Variants in CNTN4 observed in about 807,000 individuals in gnomAD.
CNTN4 encodes the protein contactin 4.
Under a neutral mutation model 122.5 loss-of-function variants are expected in CNTN4, and 77 were observed. The observed-to-expected ratio is 0.63, with a 90% CI of 0.52 to 0.76. The LOEUF (loss-of-function observed/expected upper bound fraction) is 0.76, where lower values mean the gene tolerates loss of function less well. Among genes scored for constraint, CNTN4 ranks in the 30% least tolerant of loss-of-function variants. The pLI, the probability that CNTN4 is intolerant of heterozygous loss-of-function variation, is 0.00. For synonymous variants in CNTN4, 512 were observed against 447.0 expected (o/e 1.15, Z -1.83); for missense variants, 1,256 against 1,259.1 (o/e 1.00, Z 0.04).
At chr3:2,782,696 T>G (rs138672466) in intron 6 of CNTN4, among the ~76,000 whole-genome samples, 3 of 152,280 alleles carry the variant, frequency 2.0e-5, no homozygotes, top group Non-Finnish European at 2.9e-5. Context: ...CAACTTCACT[T>G]TGAAAATCTT....
At chr3:2,896,291 A>T (rs1158854375) in intron 10 of CNTN4, among the ~76,000 whole-genome samples, 5 of 152,146 alleles carry the variant, frequency 3.3e-5, no homozygotes, top group Non-Finnish European at 7.3e-5. Context: ...GCAAGGAAGC[A>T]GCCTTGCGTT....
intron 2 of CNTN4, among the ~76,000 whole-genome samples, chr3:2,130,237 C>T (rs2034387841): frequency 6.6e-6 from 1 of 152,096 alleles, no homozygotes; most frequent in South Asian, 2.1e-4. Flanking sequence ...TAAAATTTAA[C>T]CCTAAAGAAA....
intron 6 of CNTN4, among the ~76,000 whole-genome samples, chr3:2,754,909 T>C (rs1157190494): frequency 1.3e-5 from 2 of 152,184 alleles, no homozygotes; most frequent in Admixed American, 1.3e-4. Context: ...GATAGTCTCA[T>C]TGAAAAAGAT....
In CNTN4 at chr3:2,989,366, C is replaced by G. The variant is rs1284614061; in HGVS notation, c.1486+894C>G. On this transcript the variant is annotated intron_variant, in intron 14 of 24. Transcript: ENST00000418658. ...TTATGCTGCACCAGGAAACAGGAAG[C>G]CTTTCCTGTTTCTGAGTAATTTATA... is the stretch of plus-strand genomic sequence containing the variant. 2.6e-5 allele frequency among the ~76,000 whole-genome samples: 4 copies of G among 152,014 alleles called. No homozygotes were observed. In the East Asian group the frequency reaches 7.7e-4, roughly 29 times the overall value.
chr3:2,761,866 A>G (rs1184888591), intron 6 of CNTN4, among the ~76,000 whole-genome samples: 1 of 152,180 alleles, frequency 6.6e-6, no homozygotes, highest in Admixed American at 6.5e-5. Flanking sequence ...GAACTTGTTA[A>G]TTCTCCTCTA....
At chr3:2,139,282 T>A (rs959386260) in intron 2 of CNTN4, among the ~76,000 whole-genome samples, 3 of 152,224 alleles carry the variant, frequency 2.0e-5, no homozygotes, top group African/African-American at 7.2e-5. Context: ...TAAGAATTTA[T>A]GTACTAACGT....
chr3:2,411,192 A>G (rs1374351126), intron 3 of CNTN4, among the ~76,000 whole-genome samples: 3 of 152,284 alleles, frequency 2.0e-5, no homozygotes, highest in Non-Finnish European at 2.9e-5. Flanking sequence ...AGGATGAGGG[A>G]GCACATCAGG....
chr3:2,953,532 T>G (rs2094768181), intron 13 of CNTN4, among the ~76,000 whole-genome samples: 1 of 152,068 alleles, frequency 6.6e-6, no homozygotes, highest in Non-Finnish European at 1.5e-5. Context: ...GCACAGTTTT[T>G]GGGCCTTTTT....
chr3:2,572,356 A>T (rs1443067699), intron 4 of CNTN4, among the ~76,000 whole-genome samples: 1 of 152,226 alleles, frequency 6.6e-6, no homozygotes, highest in Non-Finnish European at 1.5e-5. Context: ...ATTGCACTCC[A>T]GCCTGGGCAA....
At chr3:2,918,242 T>A (rs1029737146) in intron 12 of CNTN4, among the ~76,000 whole-genome samples, 1 of 152,202 alleles carries the variant, frequency 6.6e-6, no homozygotes, top group Admixed American at 6.5e-5. Context: ...AGAGCCTGTA[T>A]CACTGAAGTG....
chr3:2,925,796 T>C lies in CNTN4; in HGVS notation c.1358+17T>C, dbSNP rs1231823460. On this transcript the variant is annotated intron_variant, in intron 13 of 24. Coordinates refer to ENST00000418658, the MANE Select transcript of CNTN4 (RefSeq NM_175607.3). ...AAATGAAAGGTACTGTCTTGAATTA[T>C]TTTCAATATTTGGTTAACCTGTAAA... The C allele has an allele frequency of 5.0e-6, 8 of 1,600,564 alleles. No individual in the cohort carries two copies. The East Asian group carries it at 1.6e-4, about 31-fold the overall frequency.
rs145584579 is a variant in CNTN4 at position 2,187,764 on chromosome 3, C to T, written c.-145+87125C>T. Among the ~76,000 whole-genome samples, 411 of 152,258 alleles carry T rather than the reference C, an allele frequency of 2.7e-3. 2 individuals carry two copies. The highest frequency in any genetic ancestry group is 9.0e-3 in the African/African-American group (376 of 41,550). ...TTATGCCGCTAGCCTTGCTTACTCA[C>T]AGGAGAGGACTAGATGCCACATTTT... is the stretch of plus-strand genomic sequence containing the variant. On this transcript the variant is annotated intron_variant, in intron 2 of 24. Transcript: ENST00000418658.
intron 4 of CNTN4, among the ~76,000 whole-genome samples, chr3:2,692,139 GT>G (rs548393712): frequency 3.9e-4 from 60 of 152,188 alleles, no homozygotes; most frequent in Non-Finnish European, 6.9e-4. Context: ...GAAGTATTAA[GT>G]TTCTTGCTAT....
chr3:2,491,066 C>G (rs1462481676), intron 3 of CNTN4, among the ~76,000 whole-genome samples: 2 of 152,070 alleles, frequency 1.3e-5, no homozygotes, highest in Non-Finnish European at 2.9e-5. Context: ...ATGAAAGCAA[C>G]AAATATACTT....
At chr3:2,101,042 G>C (rs956517007) in intron 2 of CNTN4, among the ~76,000 whole-genome samples, 2 of 152,194 alleles carry the variant, frequency 1.3e-5, no homozygotes, top group Admixed American at 6.5e-5. Context: ...GTTTCTTTGA[G>C]TTGTAAAACT....
intron 3 of CNTN4, among the ~76,000 whole-genome samples, chr3:2,495,089 T>C (rs1386444445): frequency 6.6e-6 from 1 of 152,218 alleles, no homozygotes; most frequent in Non-Finnish European, 1.5e-5. Context: ...AAGGGCTTCA[T>C]CTATTGCAGA....
chr3:2,725,228 G>C (rs2088141965), intron 4 of CNTN4, among the ~76,000 whole-genome samples: 1 of 152,142 alleles, frequency 6.6e-6, no homozygotes, highest in Non-Finnish European at 1.5e-5. Context: ...TGTGGTTGCT[G>C]AAATTACCCT....
intron 2 of CNTN4, among the ~76,000 whole-genome samples, chr3:2,133,444 T>C (rs2034543343): frequency 6.6e-6 from 1 of 152,188 alleles, no homozygotes; most frequent in African/African-American, 2.4e-5. Context: ...AAGATAATGA[T>C]GGTATTTTGC....
chr3:2,996,607 A>G (rs2125356870), intron 14 of CNTN4, among the ~76,000 whole-genome samples: 1 of 152,350 alleles, frequency 6.6e-6, no homozygotes, highest in East Asian at 1.9e-4. Flanking sequence ...TATGTGAAGC[A>G]CATAATTAAT....
Sources: gnomAD v4.1 joint callset for allele counts (sites outside exome capture counted in the v4.1 genomes callset) on GRCh38, gnomAD v4.1.1 for gene constraint, MANE v1.5 for transcripts, NCBI Gene and HGNC (gene_info 2026-07-23, HGNC 2026-07-21) for gene names.